PLEKHD1: variants seen among roughly 807,000 people sequenced by gnomAD.
PLEKHD1 encodes the protein pleckstrin homology domain-containing family D member 1.
A neutral mutation model predicts 69.2 loss-of-function variants in PLEKHD1; 51 were observed. The observed-to-expected ratio is 0.74, with a 90% CI of 0.59 to 0.93. PLEKHD1 has a LOEUF of 0.93. Ranked by LOEUF, PLEKHD1 falls within the 40% of genes least tolerant of loss-of-function variation. The probability of loss-of-function intolerance (pLI) is 0.00; values close to 1 mark genes in which losing one functional copy is unlikely to be tolerated. For missense variants in PLEKHD1, 584 were observed against 641.0 expected (o/e 0.91, Z 0.96); for synonymous variants, 236 against 244.7 (o/e 0.96, Z 0.33).
At chr14:69,487,445 C>A in intron 1 of PLEKHD1, among the ~76,000 whole-genome samples, 1 of 152,152 alleles carries the variant, frequency 6.6e-6, no homozygotes, top group Non-Finnish European at 1.5e-5. Flanking sequence ...GCCATTAGGG[C>A]GATCAATGCC....
chr14:69,508,113 T>C (rs376979305), intron 6 of PLEKHD1, among the ~76,000 whole-genome samples: 20 of 152,336 alleles, frequency 1.3e-4, no homozygotes, highest in African/African-American at 4.3e-4. Flanking sequence ...TTAAAATTTT[T>C]ATTTATTTTT....
At chr14:69,492,986 T>C (rs1319384979) in intron 1 of PLEKHD1, among the ~76,000 whole-genome samples, 1 of 152,234 alleles carries the variant, frequency 6.6e-6, no homozygotes, top group Non-Finnish European at 1.5e-5. Context: ...CAGGCTGGTA[T>C]GGACTCCGGG....
intron 1 of PLEKHD1, among the ~76,000 whole-genome samples, chr14:69,489,558 CAAAAAAAA>C (rs1166429791): frequency 1.0e-4 from 6 of 59,898 alleles, no homozygotes; most frequent in Admixed American, 2.7e-4. Context: ...TACTCCATCT[CAAAAAAAA>C]AAAAAAAAAA....
chr14:69,485,029 G>T lies in PLEKHD1; in HGVS notation c.64G>T (p.Ala22Ser), dbSNP rs1191388208. 1.3e-6 allele frequency: 2 copies of T among 1,551,364 alleles called. No individual in the cohort carries two copies. Among genetic ancestry groups the T allele is most frequent in the Admixed American group, 2.0e-5 (1 of 51,012 alleles). Residue 22 changes from alanine to serine, a missense_variant, in exon 1 of 13, where the codon GCC becomes TCC. Transcript: ENST00000322564. ...SPSLEQADSD[A>S]LDISTKVQLY... ...GTCCCTGGAGCAGGCTGACTCGGAC[G>T]CCCTGGATATCAGCACCAAAGTGCA...
At chr14:69,499,347 G>A (rs1415913409) in intron 1 of PLEKHD1, among the ~76,000 whole-genome samples, 1 of 152,158 alleles carries the variant, frequency 6.6e-6, no homozygotes, top group East Asian at 1.9e-4. Context: ...GGGCCCTGGA[G>A]GAAGGAGCCA....
intron 6 of PLEKHD1, 149 bp from the exon 7 acceptor site, chr14:69,522,134 C>A (rs762025860): frequency 4.5e-6 from 3 of 672,920 alleles, no homozygotes; most frequent in Admixed American, 2.9e-5. Flanking sequence ...GTGGGGCCAG[C>A]GGGCCTTAGA....
chr14:69,504,252 C>T (rs1883102465), intron 6 of PLEKHD1, among the ~76,000 whole-genome samples: 1 of 152,226 alleles, frequency 6.6e-6, no homozygotes, highest in Non-Finnish European at 1.5e-5. Flanking sequence ...CCTGAAGCAG[C>T]AGAGTGGCTT....
chr14:69,481,114 T>C (rs993424834), upstream of PLEKHD1, among the ~76,000 whole-genome samples: 2 of 152,276 alleles, frequency 1.3e-5, no homozygotes, highest in Non-Finnish European at 2.9e-5. Context: ...TAAAAATGTA[T>C]GTTCAAGCCT....
intron 1 of PLEKHD1, among the ~76,000 whole-genome samples, chr14:69,491,617 T>C (rs766421927): frequency 1.3e-5 from 2 of 152,222 alleles, no homozygotes; most frequent in Non-Finnish European, 2.9e-5. Context: ...GGATAGGCCT[T>C]TGTTTAACAG....
At chr14:69,487,651 G>C (rs1337927872) in intron 1 of PLEKHD1, among the ~76,000 whole-genome samples, 8 of 152,244 alleles carry the variant, frequency 5.3e-5, no homozygotes. Flanking sequence ...GTGCCCTTGA[G>C]CTGAAGGGTC....
At chr14:69,484,445 G>C (rs891027967), upstream of PLEKHD1, among the ~76,000 whole-genome samples, 1 of 152,170 alleles carries the variant, frequency 6.6e-6, no homozygotes, top group Non-Finnish European at 1.5e-5. Context: ...GCTGCTCGCC[G>C]AGAGGGACCC....
At chr14:69,480,361 G>A (rs1429669173), upstream of PLEKHD1, among the ~76,000 whole-genome samples, 1 of 152,224 alleles carries the variant, frequency 6.6e-6, no homozygotes, top group African/African-American at 2.4e-5. Context: ...GACAGATGCC[G>A]GTGCTGAAGC....
intron 1 of PLEKHD1, among the ~76,000 whole-genome samples, chr14:69,494,552 A>G (rs537848022): frequency 2.0e-5 from 3 of 152,336 alleles, no homozygotes; most frequent in South Asian, 4.1e-4. Flanking sequence ...AAAATGCCCA[A>G]CCGTCCACAA....
intron 6 of PLEKHD1, among the ~76,000 whole-genome samples, chr14:69,515,220 C>CA (rs982101788): frequency 6.6e-6 from 1 of 152,038 alleles, no homozygotes; most frequent in Non-Finnish European, 1.5e-5. Context: ...AACCAACAAA[C>CA]AAAAAAACAG....
intron 1 of PLEKHD1, 96 bp from the exon 2 acceptor site, chr14:69,500,019 C>A: frequency 1.3e-6 from 1 of 792,488 alleles, no homozygotes; most frequent in Non-Finnish European, 2.1e-6. Flanking sequence ...TGTGGGCTCC[C>A]ATGTGAGTCC....
At chr14:69,512,977 C>A (rs2139518164) in intron 6 of PLEKHD1, among the ~76,000 whole-genome samples, 1 of 152,068 alleles carries the variant, frequency 6.6e-6, no homozygotes, top group East Asian at 1.9e-4. Flanking sequence ...GTAGTCCTCG[C>A]CACTCAGGAG....
intron 1 of PLEKHD1, among the ~76,000 whole-genome samples, chr14:69,492,560 G>A (rs1189992308): frequency 6.6e-6 from 1 of 152,194 alleles, no homozygotes; most frequent in African/African-American, 2.4e-5. Flanking sequence ...GCTTTACAAT[G>A]TTGCGGTGTA....
chr14:69,494,033 A>T (rs1882833393), intron 1 of PLEKHD1, among the ~76,000 whole-genome samples: 3 of 152,206 alleles, frequency 2.0e-5, no homozygotes, highest in African/African-American at 7.2e-5. Flanking sequence ...CTCCAGTAGC[A>T]GCCTTGTGAG....
intron 6 of PLEKHD1, among the ~76,000 whole-genome samples, chr14:69,507,469 A>C (rs769725798): frequency 6.6e-6 from 1 of 152,224 alleles, no homozygotes; most frequent in Non-Finnish European, 1.5e-5. Flanking sequence ...TGCTATAAAC[A>C]TCCATGTGCA....
Sources: gnomAD v4.1 joint callset for allele counts (sites outside exome capture counted in the v4.1 genomes callset) on GRCh38, gnomAD v4.1.1 for gene constraint, MANE v1.5 for transcripts, NCBI Gene and HGNC (gene_info 2026-07-23, HGNC 2026-07-21) for gene names.